The following SPOCK1 variants were observed in gnomAD, a reference collection of about 807,000 sequenced individuals.
The protein encoded by SPOCK1 is SPARC (osteonectin), cwcv and kazal like domains proteoglycan 1, also known as testican-1.
A neutral mutation model predicts 55.3 loss-of-function variants in SPOCK1; 23 were observed. The observed-to-expected ratio is 0.42, with a 90% CI of 0.30 to 0.59. The LOEUF (loss-of-function observed/expected upper bound fraction) is 0.59, where lower values mean the gene tolerates loss of function less well. Ranked by LOEUF, SPOCK1 falls within the 20% of genes least tolerant of loss-of-function variation. SPOCK1 has a pLI of 0.22. For synonymous variants in SPOCK1, 226 were observed against 221.0 expected (o/e 1.02, Z -0.20); for missense variants, 499 against 552.5 (o/e 0.90, Z 0.97).
chr5:137,178,253 T>C (rs76387539), intron 3 of SPOCK1, among the ~76,000 whole-genome samples: 2 of 152,162 alleles, frequency 1.3e-5, no homozygotes, highest in African/African-American at 4.8e-5. Flanking sequence ...TGAGGGAAAT[T>C]TGTCTGTTTA....
intron 3 of SPOCK1, among the ~76,000 whole-genome samples, chr5:137,200,173 C>G (rs1755399712): frequency 6.6e-6 from 1 of 152,146 alleles, no homozygotes; most frequent in Non-Finnish European, 1.5e-5. Flanking sequence ...ATATTTTCCA[C>G]CCCCTCCACC....
At chr5:137,383,948 C>T (rs1486084482) in intron 2 of SPOCK1, among the ~76,000 whole-genome samples, 2 of 152,220 alleles carry the variant, frequency 1.3e-5, no homozygotes, top group Admixed American at 1.3e-4. Context: ...CCACAAAAGG[C>T]ACACACTGTT....
intron 2 of SPOCK1, among the ~76,000 whole-genome samples, chr5:137,287,641 C>T (rs1249467077): frequency 6.6e-6 from 1 of 152,212 alleles, no homozygotes; most frequent in Non-Finnish European, 1.5e-5. Context: ...CTGCAATTGT[C>T]TCTAGATAGA....
chr5:137,267,405 T>C (rs1756879740), intron 2 of SPOCK1, among the ~76,000 whole-genome samples: 1 of 152,210 alleles, frequency 6.6e-6, no homozygotes, highest in Non-Finnish European at 1.5e-5. Flanking sequence ...TGCTCTCAGT[T>C]ATGATTAAGC....
At chr5:137,178,712 G>A (rs1273272610) in intron 3 of SPOCK1, among the ~76,000 whole-genome samples, 1 of 152,164 alleles carries the variant, frequency 6.6e-6, no homozygotes, top group Non-Finnish European at 1.5e-5. Flanking sequence ...AGTGAGAAGG[G>A]GGCAGAAATA....
chr5:137,371,177 C>A (rs1175557309), intron 2 of SPOCK1, among the ~76,000 whole-genome samples: 1 of 152,178 alleles, frequency 6.6e-6, no homozygotes, highest in Non-Finnish European at 1.5e-5. Flanking sequence ...TCTAAGGAGG[C>A]AGAATGAATA....
intron 2 of SPOCK1, among the ~76,000 whole-genome samples, chr5:137,394,822 T>A (rs909163435): frequency 5.3e-5 from 8 of 152,238 alleles, no homozygotes; most frequent in African/African-American, 1.9e-4. Flanking sequence ...GTAAGGCTCA[T>A]TAAATCTGGG....
chr5:137,230,338 G>A (rs1174212114), intron 3 of SPOCK1, among the ~76,000 whole-genome samples: 4 of 152,066 alleles, frequency 2.6e-5, no homozygotes, highest in Non-Finnish European at 4.4e-5. Flanking sequence ...AAGAAAAATC[G>A]CCCCATCAGC....
intron 3 of SPOCK1, among the ~76,000 whole-genome samples, chr5:137,187,167 C>G (rs550326248): frequency 6.6e-6 from 1 of 152,324 alleles, no homozygotes; most frequent in South Asian, 2.1e-4. Flanking sequence ...ATGCCGCCCA[C>G]TCCATGGCTA....
At chr5:137,474,227 T>G (rs942456590) in intron 2 of SPOCK1, among the ~76,000 whole-genome samples, 2 of 150,848 alleles carry the variant, frequency 1.3e-5, no homozygotes, top group East Asian at 1.9e-4. Context: ...TATGGAAAAA[T>G]AAAAGAAAAA....
At chr5:137,398,282 A>T (rs1398424891) in intron 2 of SPOCK1, among the ~76,000 whole-genome samples, 1 of 152,164 alleles carries the variant, frequency 6.6e-6, no homozygotes, top group Admixed American at 6.5e-5. Context: ...TGGTGCCTAG[A>T]GACTAAGTGT....
At chr5:137,014,487 G>A (rs1467426699) in intron 6 of SPOCK1, among the ~76,000 whole-genome samples, 3 of 152,174 alleles carry the variant, frequency 2.0e-5, no homozygotes, top group Non-Finnish European at 4.4e-5. Context: ...GCTAGTCCAA[G>A]AGTGGAAATC....
intron 3 of SPOCK1, among the ~76,000 whole-genome samples, chr5:137,238,012 CTAGATT>C (rs1756211784): frequency 6.6e-6 from 1 of 152,198 alleles, no homozygotes; most frequent in South Asian, 2.1e-4. Flanking sequence ...TGAAGGAGAT[CTAGATT>C]TAAAGTGTGA....
At chr5:137,294,792 T>A (rs937640526) in intron 2 of SPOCK1, among the ~76,000 whole-genome samples, 2 of 152,228 alleles carry the variant, frequency 1.3e-5, no homozygotes, top group Admixed American at 1.3e-4. Context: ...TCAGGCACAT[T>A]CTTGCCTCAG....
At chr5:137,386,830 T>C (rs1245280606) in intron 2 of SPOCK1, among the ~76,000 whole-genome samples, 1 of 152,060 alleles carries the variant, frequency 6.6e-6, no homozygotes, top group East Asian at 1.9e-4. Context: ...AACTTAAAAA[T>C]TTCTGCTGTA....
At chr5:137,307,308 C>T (rs1397186392) in intron 2 of SPOCK1, among the ~76,000 whole-genome samples, 2 of 152,208 alleles carry the variant, frequency 1.3e-5, no homozygotes, top group Non-Finnish European at 2.9e-5. Context: ...AACTACCAAA[C>T]ATACATACCC....
intron 5 of SPOCK1, among the ~76,000 whole-genome samples, chr5:137,093,762 G>A (rs1014614039): frequency 2.6e-5 from 4 of 152,148 alleles, no homozygotes; most frequent in Admixed American, 1.3e-4. Flanking sequence ...GATATGAAAC[G>A]AGCTCAGCAC....
chr5:137,257,308 G>A (rs954312758), intron 3 of SPOCK1, among the ~76,000 whole-genome samples: 2 of 152,206 alleles, frequency 1.3e-5, no homozygotes, highest in African/African-American at 4.8e-5. Context: ...CAAAATTTAT[G>A]TGTTGAAATC....
intron 5 of SPOCK1, among the ~76,000 whole-genome samples, chr5:137,090,090 C>T (rs957930736): frequency 2.0e-5 from 3 of 152,086 alleles, no homozygotes; most frequent in African/African-American, 7.2e-5. Flanking sequence ...TGGAGATGGC[C>T]CATCACTTAG....
Sources: allele counts gnomAD v4.1 joint callset (sites outside exome capture counted in the v4.1 genomes callset), GRCh38; gene constraint gnomAD v4.1.1; transcripts MANE v1.5; gene names NCBI Gene and HGNC (gene_info 2026-07-23, HGNC 2026-07-21).